The following CALN1 variants were observed in gnomAD, a reference collection of about 807,000 sequenced individuals.
CALN1 encodes calneuron 1.
Under a neutral mutation model 30.6 loss-of-function variants are expected in CALN1, and 17 were observed. That is an observed-to-expected ratio of 0.56 (90% CI 0.38 to 0.83). CALN1 has a LOEUF of 0.83. Ranked by LOEUF, CALN1 falls within the 40% of genes least tolerant of loss-of-function variation. The probability of loss-of-function intolerance (pLI) is 0.00; values close to 1 mark genes in which losing one functional copy is unlikely to be tolerated. For missense variants in CALN1, 291 were observed against 354.9 expected, an observed-to-expected ratio of 0.82 and a Z score of 1.45; for synonymous variants, 156 against 131.4, an observed-to-expected ratio of 1.19 and a Z score of -1.28.
intron 2 of CALN1, among the ~76,000 whole-genome samples, chr7:72,390,379 C>A (rs1288446727): frequency 6.6e-6 from 1 of 151,832 alleles, no homozygotes; most frequent in Non-Finnish European, 1.5e-5. Context: ...TGTAGTGAGC[C>A]GAGATCACGC....
intron 2 of CALN1, among the ~76,000 whole-genome samples, chr7:72,294,750 T>TAATGAATA (rs146562710): frequency 6.8e-6 from 1 of 147,838 alleles, no homozygotes; most frequent in Admixed American, 6.7e-5. Flanking sequence ...TCTAAAAAAG[T>TAATGAATA]AATAAATAAA....
chr7:72,233,821 C>G (rs899182360), intron 3 of CALN1, among the ~76,000 whole-genome samples: 1 of 151,804 alleles, frequency 6.6e-6, no homozygotes, highest in Admixed American at 6.6e-5. Flanking sequence ...CTGGGCAACA[C>G]AGCAAAACCA....
chr7:72,346,929 T>C (rs1802674488), intron 2 of CALN1, among the ~76,000 whole-genome samples: 1 of 152,184 alleles, frequency 6.6e-6, no homozygotes. Context: ...TAGAAGAGAT[T>C]AGCGAACTTT....
At chr7:72,406,039 G>A (rs1055354971) in intron 1 of CALN1, among the ~76,000 whole-genome samples, 8 of 152,172 alleles carry the variant, frequency 5.3e-5, no homozygotes, top group Non-Finnish European at 1.0e-4. Flanking sequence ...TCCCCGTAAG[G>A]AACAATCGCT....
chr7:72,427,643 ATTTATTTTTATT>A (rs558641956), intron 1 of CALN1, among the ~76,000 whole-genome samples: 280 of 151,606 alleles, frequency 1.8e-3, no homozygotes, highest in Middle Eastern at 6.8e-3. Context: ...ACACATGGCA[ATTTATTTTTATT>A]TTTATTTTTA....
At chr7:71,910,694 T>G (rs960780991) in intron 5 of CALN1, among the ~76,000 whole-genome samples, 1 of 152,190 alleles carries the variant, frequency 6.6e-6, no homozygotes, top group Non-Finnish European at 1.5e-5. Flanking sequence ...TCTAGCAGAT[T>G]CTAGCAGCCT....
At chr7:72,367,422 G>C (rs1013883558) in intron 2 of CALN1, among the ~76,000 whole-genome samples, 1 of 152,090 alleles carries the variant, frequency 6.6e-6, no homozygotes, top group African/African-American at 2.4e-5. Context: ...CCAGGAATTT[G>C]AGACCAGCCT....
intron 5 of CALN1, among the ~76,000 whole-genome samples, chr7:71,979,869 C>CTTTTTTTTTTTTTT (rs555621436): frequency 5.6e-5 from 5 of 89,682 alleles, no homozygotes; most frequent in African/African-American, 2.1e-4. Flanking sequence ...CATCAGGATT[C>CTTTTTTTTTTTTTT]TTTTTTTTTT....
chr7:72,028,857 G>A (rs1054772985), intron 4 of CALN1, among the ~76,000 whole-genome samples: 5 of 152,024 alleles, frequency 3.3e-5, no homozygotes, highest in African/African-American at 9.7e-5. Context: ...TGGGTGTGGT[G>A]GTACAAACCT....
chr7:72,218,306 G>A (rs917310630), intron 3 of CALN1, among the ~76,000 whole-genome samples: 1 of 151,772 alleles, frequency 6.6e-6, no homozygotes, highest in Non-Finnish European at 1.5e-5. Context: ...AAATTATCCG[G>A]GCATGGTGGC....
At chr7:72,078,325 G>A (rs1804889238) in intron 4 of CALN1, among the ~76,000 whole-genome samples, 1 of 151,944 alleles carries the variant, frequency 6.6e-6, no homozygotes, top group South Asian at 2.1e-4. Context: ...TGTACTCTGG[G>A]TCCCTCTGGG....
chr7:72,346,370 A>G (rs1307181851), intron 2 of CALN1, among the ~76,000 whole-genome samples: 1 of 152,126 alleles, frequency 6.6e-6, no homozygotes, highest in Non-Finnish European at 1.5e-5. Flanking sequence ...TTTTAAAAAA[A>G]TATTTATTTT....
chr7:72,165,451 C>T (rs925435602), intron 3 of CALN1, among the ~76,000 whole-genome samples: 1 of 151,922 alleles, frequency 6.6e-6, no homozygotes, highest in African/African-American at 2.4e-5. Context: ...ATCCCAGCAC[C>T]CCAGCTACTC....
At chr7:71,969,069 G>C (rs1287959171) in intron 5 of CALN1, among the ~76,000 whole-genome samples, 1 of 151,514 alleles carries the variant, frequency 6.6e-6, no homozygotes. Context: ...AAAAATCATA[G>C]AACTGCACAC....
At chr7:72,379,791 A>T (rs1283936713) in intron 2 of CALN1, among the ~76,000 whole-genome samples, 2 of 152,202 alleles carry the variant, frequency 1.3e-5, no homozygotes, top group Admixed American at 1.3e-4. Context: ...GCAGCTGTGT[A>T]GCTGGTTCAT....
chr7:72,104,840 C>A (rs1806964446), intron 4 of CALN1, among the ~76,000 whole-genome samples: 1 of 151,964 alleles, frequency 6.6e-6, no homozygotes, highest in Admixed American at 6.6e-5. Context: ...GCCTCTAGTC[C>A]CAGCTACTCT....
the CALN1 span, among the ~76,000 whole-genome samples, chr7:72,465,924 G>A: frequency 6.6e-6 from 1 of 152,172 alleles, no homozygotes; most frequent in Non-Finnish European, 1.5e-5. Flanking sequence ...ACGGAAGAGG[G>A]TGTGGGACAC....
At chr7:72,501,352 G>A in the CALN1 span, among the ~76,000 whole-genome samples, 2 of 102,374 alleles carry the variant, frequency 2.0e-5, no homozygotes, top group Non-Finnish European at 3.6e-5. Context: ...GGGCAACATA[G>A]TGAGGCCACG....
At chr7:71,992,578 A>T (rs1029998611) in intron 5 of CALN1, among the ~76,000 whole-genome samples, 2 of 152,092 alleles carry the variant, frequency 1.3e-5, no homozygotes, top group African/African-American at 2.4e-5. Flanking sequence ...GGTTTGTCTC[A>T]AACTCCTGGC....
Sources: gnomAD v4.1 joint callset for allele counts (sites outside exome capture counted in the v4.1 genomes callset) on GRCh38, gnomAD v4.1.1 for gene constraint, MANE v1.5 for transcripts, NCBI Gene and HGNC (gene_info 2026-07-23, HGNC 2026-07-21) for gene names.